AFF2: variants seen among roughly 807,000 people sequenced by gnomAD.
The protein encoded by AFF2 is AF4/FMR2 family member 2.
A neutral mutation model predicts 76.9 loss-of-function variants in AFF2; 14 were observed. The observed-to-expected ratio is 0.18, with a 90% confidence interval of 0.12 to 0.28. The LOEUF is 0.28. AFF2 is among the 10% of genes least tolerant of loss of function. The pLI is 1.00. For missense variants in AFF2, 868 were observed against 1,001.1 expected, an observed-to-expected ratio of 0.87 and a Z score of 1.79; for synonymous variants, 398 against 366.7, an observed-to-expected ratio of 1.09 and a Z score of -0.98.
chrX:148,700,493 C>T (rs1603280146), intron 3 of AFF2, among the ~76,000 whole-genome samples: 1 of 103,990 alleles, frequency 9.6e-6, no homozygotes, highest in South Asian at 4.5e-4. Context: ...TTCTGAAGTG[C>T]CCACCATGTT....
At chrX:148,516,588 C>G (rs945413105) in intron 1 of AFF2, among the ~76,000 whole-genome samples, 1 of 111,977 alleles carries the variant, frequency 8.9e-6, no homozygotes, top group Non-Finnish European at 1.9e-5. Context: ...CATCTGAACA[C>G]TTTCCATACA....
chrX:148,524,129 G>C lies in AFF2; in HGVS notation c.47+22985G>C, dbSNP rs868980424. ...TCTCTCTCTCTCTCTCTCTCTGTGTGTGTGTGTGTGTGTGTGTGTGTGTGT... is the reference window on the plus strand; with the variant it reads ...TCTCTCTCTCTCTCTCTCTCTGTGTCTGTGTGTGTGTGTGTGTGTGTGTGT... On this transcript the variant is annotated intron_variant, in intron 1 of 20. Coordinates refer to ENST00000370460, the MANE Select transcript of AFF2 (RefSeq NM_002025.4). Among the ~76,000 whole-genome samples, 639 of 95,122 alleles carry C rather than the reference G, an allele frequency of 6.7e-3. 3 individuals carry two copies. The highest frequency in any genetic ancestry group is 0.013 in the Admixed American group (114 of 8,840). 82.6% of individuals were successfully genotyped at this position (95,122 alleles called of 115,157 possible). A position where few individuals can be genotyped will look rare whatever the true frequency, so the allele number is the denominator to read the frequency against.
At chrX:148,939,981 AT>A (rs1557285426) in intron 9 of AFF2, among the ~76,000 whole-genome samples, 1 of 112,153 alleles carries the variant, frequency 8.9e-6, no homozygotes, top group African/African-American at 3.2e-5. Flanking sequence ...GAAAGGGAAC[AT>A]TTTGGCATAT....
intron 9 of AFF2, among the ~76,000 whole-genome samples, chrX:148,924,936 T>C (rs1338120050): frequency 8.9e-6 from 1 of 112,721 alleles, no homozygotes; most frequent in Non-Finnish European, 1.9e-5. Context: ...AATAAGTGAA[T>C]GCATATAACA....
At chrX:148,759,602 T>A (rs1557267139) in intron 3 of AFF2, among the ~76,000 whole-genome samples, 1 of 112,058 alleles carries the variant, frequency 8.9e-6, no homozygotes, top group Admixed American at 9.5e-5. Flanking sequence ...GACATTATTG[T>A]AACCACTGAA....
At chrX:148,919,299 A>G (rs1225108197) in intron 9 of AFF2, among the ~76,000 whole-genome samples, 1 of 111,148 alleles carries the variant, frequency 9.0e-6, no homozygotes, top group Non-Finnish European at 1.9e-5. Flanking sequence ...CAGTGGGCAT[A>G]AGAGATGATT....
chrX:148,518,488 C>T (rs2052562375), intron 1 of AFF2, among the ~76,000 whole-genome samples: 2 of 112,464 alleles, frequency 1.8e-5, no homozygotes, highest in South Asian at 7.3e-4. Context: ...TTGTGTTCTG[C>T]CCTGAGCAAT....
At chrX:148,675,283 GA>G (rs1278826796) in intron 3 of AFF2, among the ~76,000 whole-genome samples, 50 of 101,080 alleles carry the variant, frequency 4.9e-4, no homozygotes, top group East Asian at 1.2e-3. Flanking sequence ...GGTTGATGGA[GA>G]AAAAAAAAAA....
intron 7 of AFF2, 74 bp from the exon 8 acceptor site, chrX:148,885,815 C>T (rs2071151676): frequency 1.1e-6 from 1 of 878,599 alleles, no homozygotes; most frequent in South Asian, 2.0e-5. Flanking sequence ...ACTTTATTCT[C>T]ATTGCAAGAT....
chrX:148,978,288 C>A, intron 17 of AFF2, 74 bp from the exon 18 acceptor site: 1 of 709,242 alleles, frequency 1.4e-6, no homozygotes, highest in Non-Finnish European at 2.2e-6. Context: ...AATTGTGAAT[C>A]AGCAGTCTTC....
chrX:148,704,779 G>A (rs929028142), intron 3 of AFF2, among the ~76,000 whole-genome samples: 10 of 106,868 alleles, frequency 9.4e-5, no homozygotes, highest in Non-Finnish European at 1.4e-4. Context: ...CACCCGCCTC[G>A]GCCTCCCAAA....
At chrX:148,554,058 AT>A (rs2053024273) in intron 1 of AFF2, among the ~76,000 whole-genome samples, 1 of 112,134 alleles carries the variant, frequency 8.9e-6, no homozygotes. Flanking sequence ...CAGCTCTACT[AT>A]TTATAGGCTG....
intron 1 of AFF2, among the ~76,000 whole-genome samples, chrX:148,510,906 A>C (rs1197379662): frequency 1.8e-5 from 2 of 112,374 alleles, no homozygotes; most frequent in Non-Finnish European, 3.8e-5. Flanking sequence ...GTGAAGAGAT[A>C]GCTCAAGAGG....
At chrX:148,618,397 C>T (rs1337857712) in intron 1 of AFF2, among the ~76,000 whole-genome samples, 3 of 110,967 alleles carry the variant, frequency 2.7e-5, no homozygotes, top group Non-Finnish European at 5.7e-5. Context: ...AGGAGAAGTG[C>T]CGACCAAAGG....
At chrX:148,511,713 A>G (rs899060114) in intron 1 of AFF2, among the ~76,000 whole-genome samples, 1 of 112,694 alleles carries the variant, frequency 8.9e-6, no homozygotes, top group Non-Finnish European at 1.9e-5. Context: ...AGAGGGGTAC[A>G]CCCCTAACTT....
chrX:148,758,123 C>G (rs144194073), intron 3 of AFF2, among the ~76,000 whole-genome samples: 3 of 112,113 alleles, frequency 2.7e-5, no homozygotes, highest in Non-Finnish European at 5.6e-5. Context: ...CTGGTTGATT[C>G]CTGTGTATTG....
At chrX:148,846,302 C>T (rs1603311638) in intron 7 of AFF2, among the ~76,000 whole-genome samples, 1 of 111,780 alleles carries the variant, frequency 8.9e-6, no homozygotes, top group East Asian at 2.8e-4. Flanking sequence ...AGGTTTAATC[C>T]CCTCCTTTGT....
chrX:148,630,471 G>A (rs1462215002), intron 1 of AFF2, among the ~76,000 whole-genome samples: 1 of 111,825 alleles, frequency 8.9e-6, no homozygotes, highest in African/African-American at 3.3e-5. Flanking sequence ...TTGCAGGTGG[G>A]AAACACTGAA....
intron 1 of AFF2, among the ~76,000 whole-genome samples, chrX:148,612,612 G>T (rs2053745605): frequency 8.9e-6 from 1 of 112,196 alleles, no homozygotes; most frequent in African/African-American, 3.2e-5. Context: ...TCCTAGGTTT[G>T]TGGCTTATGT....
Sources: allele counts gnomAD v4.1 joint callset (sites outside exome capture counted in the v4.1 genomes callset), GRCh38; gene constraint gnomAD v4.1.1; transcripts MANE v1.5; gene names NCBI Gene and HGNC (gene_info 2026-07-23, HGNC 2026-07-21).